ABCG5: variants seen among roughly 807,000 people sequenced by gnomAD.
ABCG5 encodes the protein ATP-binding cassette sub-family G member 5.
A neutral mutation model predicts 64.5 loss-of-function variants in ABCG5; 64 were observed. The observed-to-expected ratio is 0.99, with a 90% CI of 0.81 to 1.22. ABCG5 has a LOEUF of 1.22. Among genes scored for constraint, ABCG5 ranks in the 50% most tolerant of loss-of-function variants. The pLI is 0.00. For missense variants in ABCG5, 908 were observed against 829.5 expected (o/e 1.09, Z -1.16); for synonymous variants, 385 against 326.3 (o/e 1.18, Z -1.94).
chr2:43,824,307 T>C lies in ABCG5; in HGVS notation c.1030A>G (p.Arg344Gly). The C allele has an allele frequency of 6.2e-7, 1 of 1,614,248 alleles. No homozygotes were observed. ...GGTAACGTTTTCAGGTGTTTCATTC[T>C]TTCAATATTCTTCAAAGTTTTATGA... ...ICHKTLKNIE[R>G]MKHLKTLPMV... Residue 344 changes from arginine to glycine, a missense_variant, in exon 8 of 13, where the codon AGA becomes GGA. Coordinates refer to ENST00000405322, the MANE Select transcript of ABCG5 (RefSeq NM_022436.3).
chr2:43,824,484 G>A (rs778765045), intron 7 of ABCG5, 52 bp from the exon 8 acceptor site: 2 of 1,601,140 alleles, frequency 1.2e-6, no homozygotes, highest in South Asian at 1.1e-5. Flanking sequence ...ATGCATGTAT[G>A]TACATGGATA....
rs4557032 is a variant in ABCG5, at chr2:43,828,307, G to A, written c.502-192C>T. 292,999 of 739,586 alleles carry A rather than the reference G, an allele frequency of 0.4. 64,158 individuals are homozygous for A. The highest frequency in any genetic ancestry group is 0.8 in the East Asian group (29,201 of 36,610). The allele number at this position is 739,586 out of a possible 1,614,324, so 45.8% of individuals were successfully genotyped here. A position where few individuals can be genotyped will look rare whatever the true frequency, so the allele number is the denominator to read the frequency against. On this transcript the variant is annotated intron_variant, in intron 4 of 12. Transcript: ENST00000405322. ...CAATTCGGCTTAAATCGTAATACAT[G>A]TGTCAGATTTAAATAAATAATATGA...
chr2:43,835,255 CACTTCTGAGCATTGGCCTTTG>C (rs1668192094), intron 2 of ABCG5, among the ~76,000 whole-genome samples: 1 of 49,898 alleles, frequency 2.0e-5, no homozygotes, highest in Non-Finnish European at 3.6e-5. Context: ...CTTTGGGGTG[CACTTCTGAGCATTGGCCTTTG>C]GGGTGCACTT....
chr2:43,822,550 G>C (rs1667296658), intron 10 of ABCG5: 1 of 983,916 alleles, frequency 1.0e-6, no homozygotes, highest in South Asian at 4.7e-5. Context: ...TGCCGTGAAT[G>C]TGGGACAGGT....
downstream of ABCG5, chr2:43,810,342 C>A (rs1572729997): frequency 4.1e-6 from 4 of 984,380 alleles, no homozygotes; most frequent in Admixed American, 1.2e-4. Context: ...TGCTGTGAGA[C>A]TGACACATTT....
chr2:43,836,660 C>T (rs1205473960), intron 2 of ABCG5, among the ~76,000 whole-genome samples: 3 of 152,150 alleles, frequency 2.0e-5, no homozygotes, highest in Non-Finnish European at 4.4e-5. Flanking sequence ...GGAGCTGTCT[C>T]ACCAAAGGCT....
intron 2 of ABCG5, among the ~76,000 whole-genome samples, chr2:43,833,203 A>G (rs530754500): frequency 6.6e-6 from 1 of 152,048 alleles, no homozygotes; most frequent in Non-Finnish European, 1.5e-5. Context: ...GAGTTCATGG[A>G]GACAGAATAG....
At chr2:43,812,100 G>A (rs1252154109), downstream of ABCG5, among the ~76,000 whole-genome samples, 1 of 151,934 alleles carries the variant, frequency 6.6e-6, no homozygotes, top group Non-Finnish European at 1.5e-5. Context: ...GCCCAGGCTG[G>A]AGTGCAGTGG....
chr2:43,821,100 C>T (rs1254481386), intron 10 of ABCG5, among the ~76,000 whole-genome samples: 1 of 152,064 alleles, frequency 6.6e-6, no homozygotes, highest in South Asian at 2.1e-4. Flanking sequence ...GTAGAGTAAG[C>T]AAAAAATGTT....
At chr2:43,813,752 C>G in intron 12 of ABCG5, among the ~76,000 whole-genome samples, 1 of 105,266 alleles carries the variant, frequency 9.5e-6, no homozygotes, top group African/African-American at 3.7e-5. Flanking sequence ...CAGTTTCACT[C>G]TGCCGCCCAG....
chr2:43,813,392 G>C, intron 12 of ABCG5, 83 bp from the exon 13 acceptor site: 1 of 976,806 alleles, frequency 1.0e-6, no homozygotes, highest in Non-Finnish European at 1.6e-6. Context: ...CGCTTGCTAA[G>C]TACCCTTAAT....
intron 12 of ABCG5, 120 bp from the exon 13 acceptor site, chr2:43,813,429 C>T (rs1666591172): frequency 2.7e-6 from 2 of 739,174 alleles, no homozygotes; most frequent in South Asian, 1.5e-5. Flanking sequence ...TTTAGCAAGC[C>T]CAGAGTTTAC....
downstream of ABCG5, chr2:43,810,005 C>G: frequency 1.8e-6 from 2 of 1,130,264 alleles, no homozygotes; most frequent in Non-Finnish European, 2.3e-6. Context: ...TACTACCTAC[C>G]TCTAACATGT....
chr2:43,810,696 A>G (rs1395698128), downstream of ABCG5, among the ~76,000 whole-genome samples: 1 of 152,196 alleles, frequency 6.6e-6, no homozygotes, highest in African/African-American at 2.4e-5. Context: ...TTCATAAATT[A>G]TTTGCAGTAC....
At chr2:43,828,289 G>C (rs1667745668) in intron 4 of ABCG5, 174 bp from the exon 5 acceptor site, 4 of 865,852 alleles carry the variant, frequency 4.6e-6, no homozygotes, top group South Asian at 1.5e-5. Context: ...ATCCAATTCG[G>C]CTTAAATCGT....
downstream of ABCG5, among the ~76,000 whole-genome samples, chr2:43,812,244 T>C (rs1353929748): frequency 6.6e-6 from 1 of 152,114 alleles, no homozygotes; most frequent in African/African-American, 2.4e-5. Context: ...ATATGGACTT[T>C]AAATAACAGC....
chr2:43,814,569 A>T lies in ABCG5; in HGVS notation c.1670T>A (p.Ile557Asn). 6.2e-7 allele frequency: 1 copy of T among 1,601,602 alleles called. No homozygotes were observed. Among genetic ancestry groups the T allele is most frequent in the Non-Finnish European group, 8.6e-7 (1 of 1,169,248 alleles). ...GFLRNIQEMP[I>N]PFKIISYFTF... Reference sequence around the variant, plus strand: ...AAAATAACTGATGATTTTAAAAGGAATGGGCATTTCTTGTATGTTTCTTAA... The same window carrying T: ...AAAATAACTGATGATTTTAAAAGGATTGGGCATTTCTTGTATGTTTCTTAA... Residue 557 changes from isoleucine (I) to asparagine (N), a missense_variant, in exon 12 of 13, where the codon ATT becomes AAT. Ile to Asn is a moderately radical substitution (Grantham distance 149). Transcript: ENST00000405322.
intron 11 of ABCG5, among the ~76,000 whole-genome samples, chr2:43,815,146 A>C (rs1225659199): frequency 6.6e-6 from 1 of 152,232 alleles, no homozygotes; most frequent in Non-Finnish European, 1.5e-5. Context: ...GAACTAACCT[A>C]GAATACAAAG....
At chr2:43,809,621 T>TA (rs1666408569), downstream of ABCG5, 2 of 890,300 alleles carry the variant, frequency 2.2e-6, no homozygotes, top group Non-Finnish European at 1.8e-6. Flanking sequence ...TTGATATATC[T>TA]AAAAAATGAG....
Sources: allele counts gnomAD v4.1 joint callset (sites outside exome capture counted in the v4.1 genomes callset), GRCh38; gene constraint gnomAD v4.1.1; transcripts MANE v1.5; gene names NCBI Gene and HGNC (gene_info 2026-07-23, HGNC 2026-07-21).